NLGN1: variants seen among roughly 807,000 people sequenced by gnomAD.
NLGN1 encodes neuroligin-1.
In NLGN1, 12 loss-of-function variants were observed where a neutral mutation model predicts 65.5. That is an observed-to-expected ratio of 0.18 (90% confidence interval 0.12 to 0.30). NLGN1 has a LOEUF of 0.30. Ranked by LOEUF, NLGN1 falls within the 10% of genes least tolerant of loss-of-function variation. The pLI, the probability that NLGN1 is intolerant of heterozygous loss-of-function variation, is 1.00. For missense variants in NLGN1, 750 were observed against 1,007.1 expected, an observed-to-expected ratio of 0.74 and a Z score of 3.46; for synonymous variants, 350 against 359.5, an observed-to-expected ratio of 0.97 and a Z score of 0.30.
intron 2 of NLGN1, among the ~76,000 whole-genome samples, chr3:173,489,427 T>C (rs1484650539): frequency 6.6e-6 from 1 of 152,230 alleles, no homozygotes; most frequent in Non-Finnish European, 1.5e-5. Flanking sequence ...TCATTTTTTA[T>C]GGTTGCATAG....
chr3:174,275,839 ATCT>A (rs983514356), intron 5 of NLGN1, among the ~76,000 whole-genome samples: 36 of 152,058 alleles, frequency 2.4e-4, no homozygotes, highest in Admixed American at 1.3e-4. Context: ...CAGTTTTGTC[ATCT>A]TTGTTTATTC....
At chr3:173,973,108 C>T (rs191200863) in intron 4 of NLGN1, among the ~76,000 whole-genome samples, 2 of 152,112 alleles carry the variant, frequency 1.3e-5, no homozygotes. Flanking sequence ...ATAACATACT[C>T]ATAGTATTCT....
chr3:174,174,035 C>T (rs1384454631), intron 4 of NLGN1, among the ~76,000 whole-genome samples: 1 of 151,992 alleles, frequency 6.6e-6, no homozygotes, highest in South Asian at 2.1e-4. Context: ...GCCTTTGCAT[C>T]CTCATAACTT....
intron 4 of NLGN1, among the ~76,000 whole-genome samples, chr3:174,155,559 A>G (rs896868195): frequency 2.0e-5 from 3 of 151,884 alleles, no homozygotes; most frequent in Non-Finnish European, 4.4e-5. Context: ...TCAGGTTTCA[A>G]TGTTCTATCA....
At chr3:173,560,046 C>T (rs1742427275) in intron 2 of NLGN1, among the ~76,000 whole-genome samples, 1 of 151,638 alleles carries the variant, frequency 6.6e-6, no homozygotes, top group African/African-American at 2.4e-5. Context: ...CGGGTTCACG[C>T]CATTCTCCTG....
exon 7 of NLGN1, chr3:174,282,992 T>C (rs946416412): frequency 6.6e-6 from 1 of 151,818 alleles, no homozygotes; most frequent in African/African-American, 2.4e-5. Flanking sequence ...TTTGTACATC[T>C]TGGCCATGTC....
intron 3 of NLGN1, among the ~76,000 whole-genome samples, chr3:173,767,551 C>T (rs1011918778): frequency 6.6e-6 from 1 of 151,694 alleles, no homozygotes; most frequent in African/African-American, 2.4e-5. Context: ...GAGAATTATC[C>T]AGAAAGTTTA....
At chr3:173,721,513 T>C (rs1229618324) in intron 3 of NLGN1, among the ~76,000 whole-genome samples, 1 of 152,190 alleles carries the variant, frequency 6.6e-6, no homozygotes, top group Non-Finnish European at 1.5e-5. Flanking sequence ...AATGTAAACA[T>C]ACGATCATTT....
chr3:173,581,856 A>G (rs1746456526), intron 2 of NLGN1, among the ~76,000 whole-genome samples: 1 of 151,994 alleles, frequency 6.6e-6, no homozygotes. Flanking sequence ...TTATATAGTA[A>G]TATTGTAAAC....
chr3:173,967,727 T>A (rs933618056), intron 4 of NLGN1, among the ~76,000 whole-genome samples: 9 of 152,202 alleles, frequency 5.9e-5, no homozygotes, highest in Non-Finnish European at 1.3e-4. Flanking sequence ...ATTCTGTCTC[T>A]GAACTTATCA....
chr3:174,076,505 G>A (rs897030497), intron 4 of NLGN1, among the ~76,000 whole-genome samples: 15 of 152,174 alleles, frequency 9.9e-5, no homozygotes, highest in East Asian at 5.8e-4. Context: ...CCCAGACAGC[G>A]TTCCTCTGTT....
At chr3:173,402,688 A>G (rs750879793) in intron 1 of NLGN1, among the ~76,000 whole-genome samples, 35 of 152,262 alleles carry the variant, frequency 2.3e-4, no homozygotes, top group Non-Finnish European at 4.0e-4. Flanking sequence ...AGCCCCACTC[A>G]AAGCAGAAAT....
intron 3 of NLGN1, among the ~76,000 whole-genome samples, chr3:173,688,200 G>T (rs2149811400): frequency 6.6e-6 from 1 of 152,254 alleles, no homozygotes; most frequent in Middle Eastern, 3.4e-3. Context: ...ATGACATGGT[G>T]TATGTGAACA....
chr3:173,575,946 T>C (rs1023230698), intron 2 of NLGN1, among the ~76,000 whole-genome samples: 3 of 152,160 alleles, frequency 2.0e-5, no homozygotes, highest in South Asian at 2.1e-4. Context: ...ACTTGTTTCT[T>C]ATAATCTAAA....
At chr3:173,740,526 A>G (rs890094961) in intron 3 of NLGN1, among the ~76,000 whole-genome samples, 1 of 152,048 alleles carries the variant, frequency 6.6e-6, no homozygotes, top group African/African-American at 2.4e-5. Flanking sequence ...GTTCTCCCTC[A>G]TGCCCTCCCA....
chr3:173,613,890 T>G (rs1414433687), intron 3 of NLGN1, among the ~76,000 whole-genome samples: 1 of 151,900 alleles, frequency 6.6e-6, no homozygotes, highest in African/African-American at 2.4e-5. Context: ...TTTTTAAAAG[T>G]AGAAAAATCT....
chr3:173,879,715 G>A (rs1732862541), intron 4 of NLGN1, among the ~76,000 whole-genome samples: 2 of 151,684 alleles, frequency 1.3e-5, no homozygotes, highest in Admixed American at 6.6e-5. Context: ...ATTCAGTTAT[G>A]TTCTTCCAAA....
chr3:173,766,234 A>C (rs2150235207), intron 3 of NLGN1, among the ~76,000 whole-genome samples: 1 of 151,776 alleles, frequency 6.6e-6, no homozygotes, highest in Non-Finnish European at 1.5e-5. Context: ...GATTACAGAC[A>C]CCCACCACCA....
At chr3:173,793,130 A>G (rs890259123) in intron 3 of NLGN1, among the ~76,000 whole-genome samples, 1 of 152,114 alleles carries the variant, frequency 6.6e-6, no homozygotes, top group Non-Finnish European at 1.5e-5. Context: ...GTTTGCCACT[A>G]TTAATAACTA....
Sources: gnomAD v4.1 joint callset for allele counts (sites outside exome capture counted in the v4.1 genomes callset) on GRCh38, gnomAD v4.1.1 for gene constraint, MANE v1.5 for transcripts, NCBI Gene and HGNC (gene_info 2026-07-23, HGNC 2026-07-21) for gene names.